The following TLL1 variants were observed in gnomAD, a reference collection of about 807,000 sequenced individuals.
TLL1 encodes the protein tolloid-like protein 1.
A neutral mutation model predicts 128.2 loss-of-function variants in TLL1; 49 were observed. The ratio of observed to expected loss-of-function variants is 0.38; its 90% CI spans 0.30 to 0.48. The LOEUF is 0.48. Among genes scored for constraint, TLL1 ranks in the 20% least tolerant of loss-of-function variants. The pLI is 0.96. For synonymous variants in TLL1, 454 were observed against 418.8 expected, an observed-to-expected ratio of 1.08 and a Z score of -1.03; for missense variants, 1,123 against 1,242.0, an observed-to-expected ratio of 0.90 and a Z score of 1.44.
chr4:166,073,004 G>A (rs1056064774), intron 16 of TLL1, among the ~76,000 whole-genome samples: 3 of 152,070 alleles, frequency 2.0e-5, no homozygotes, highest in East Asian at 1.9e-4. Flanking sequence ...TCACTCTATC[G>A]GGTCTTATAT....
intron 9 of TLL1, among the ~76,000 whole-genome samples, chr4:166,027,181 TAAA>T (rs1278273323): frequency 1.3e-5 from 2 of 151,958 alleles, no homozygotes; most frequent in East Asian, 3.9e-4. Flanking sequence ...AAGTGGGAGC[TAAA>T]CATTGAGCAC....
intron 8 of TLL1, among the ~76,000 whole-genome samples, chr4:166,019,685 G>GA (rs1277379605): frequency 3.4e-4 from 51 of 152,070 alleles, no homozygotes; most frequent in African/African-American, 1.2e-3. Flanking sequence ...CTAACAGGCA[G>GA]ACTGTAAATA....
rs535192186 is a variant in TLL1 at position 165,886,974 on chromosome 4, G to C, written c.169+12901G>C. Among the ~76,000 whole-genome samples, 170 of 152,272 alleles carry C rather than the reference G, an allele frequency of 1.1e-3. 1 individual carries two copies. Among genetic ancestry groups the C allele is most frequent in the Non-Finnish European group, 2.2e-3 (149 of 68,016 alleles). On this transcript the variant is annotated intron_variant, in intron 1 of 20. Transcript: ENST00000061240. Reference sequence around the variant, plus strand: ...TTAGAGTCAAATAACTAAGATAAAAGTTGAAGCTGTGAAAGTTCTTGAATT... The same window carrying C: ...TTAGAGTCAAATAACTAAGATAAAACTTGAAGCTGTGAAAGTTCTTGAATT...
In TLL1 at chr4:166,065,831, C is replaced by T. The variant is rs1200876491; in HGVS notation, c.2156C>T (p.Ser719Phe). Reference protein sequence around the residue: ...RIEFKSDNTVSKKGFKAHFFS... With the variant: ...RIEFKSDNTVFKKGFKAHFFS... ...GAATTCAAATCTGACAATACTGTAT[C>T]CAAGAAGGGCTTCAAAGCACATTTT... The change falls in exon 16 of 21, where the codon TCC becomes TTC. Residue 719 changes from serine (S) to phenylalanine (F), a missense_variant. Ser to Phe is a radical substitution (Grantham distance 155). Around this residue, in one of 3 missense-constraint regions of TLL1, gnomAD observed 634 missense variants for 672.4 expected, o/e 0.94. Coordinates refer to ENST00000061240, the MANE Select transcript of TLL1 (RefSeq NM_012464.5). The T allele has an allele frequency of 6.2e-7, 1 of 1,612,708 alleles. No homozygotes were observed. The highest frequency in any genetic ancestry group is 1.3e-5 in the African/African-American group (1 of 74,794).
At chr4:165,936,408 C>T (rs956790904) in intron 1 of TLL1, among the ~76,000 whole-genome samples, 12 of 151,004 alleles carry the variant, frequency 7.9e-5, no homozygotes, top group South Asian at 4.2e-4. Context: ...GACGGAGTTT[C>T]GCCATGTTGG....
In TLL1 at chr4:165,911,501, G is replaced by A. The variant is rs138371462; in HGVS notation, c.169+37428G>A. On this transcript the variant is annotated intron_variant, in intron 1 of 20. Coordinates refer to ENST00000061240, the MANE Select transcript of TLL1 (RefSeq NM_012464.5). The stretch of plus-strand genomic sequence containing the variant: ...ATGAGAATAGTCTAAGCCTAAAATC[G>A]TAATCACTAAATACATCTGCTGTCT... Among the ~76,000 whole-genome samples the A allele has an allele frequency of 4.8e-4, 73 of 152,210 alleles. No individual in the cohort carries two copies. The East Asian group carries it at 5.0e-3, about 10-fold the overall frequency.
Position 166,074,983 on chromosome 4 carries a change from A to G in TLL1, c.2294A>G (p.Asn765Ser). The change falls in exon 17 of 21, where the codon AAT becomes AGT. Residue 765 changes from asparagine (N) to serine (S), a missense_variant. This residue lies in a region of TLL1 where 634 missense variants were observed against 672.4 expected (regional missense o/e 0.94). Transcript: ENST00000061240. ...CGTAATGGATTTGTGCTACATGACAATAAACATGATTGCAAGGAAGGTATG... is the reference window on the plus strand; with the variant it reads ...CGTAATGGATTTGTGCTACATGACAGTAAACATGATTGCAAGGAAGGTATG... ...QCRNGFVLHD[N>S]KHDCKEAECE... 1.2e-6 allele frequency: 2 copies of G among 1,613,616 alleles called. No individual in the cohort carries two copies. Among genetic ancestry groups the G allele is most frequent in the Non-Finnish European group, 1.7e-6 (2 of 1,179,594 alleles).
At chr4:166,026,678 ACT>A (rs1309558280) in intron 9 of TLL1, among the ~76,000 whole-genome samples, 1 of 151,846 alleles carries the variant, frequency 6.6e-6, no homozygotes, top group Non-Finnish European at 1.5e-5. Context: ...TAAGAGCGAA[ACT>A]CTGTCTCAAA....
At chr4:166,092,765 T>C (rs1741832290) in intron 19 of TLL1, among the ~76,000 whole-genome samples, 1 of 152,170 alleles carries the variant, frequency 6.6e-6, no homozygotes, top group African/African-American at 2.4e-5. Flanking sequence ...ACTTTTATAC[T>C]GTCTCTTTTT....
At chr4:166,067,013 A>C (rs1740604708) in intron 16 of TLL1, among the ~76,000 whole-genome samples, 1 of 151,788 alleles carries the variant, frequency 6.6e-6, no homozygotes, top group Admixed American at 6.6e-5. Context: ...CTATCTAAAT[A>C]TTTATTTTAA....
chr4:165,873,801 G>T lies in TLL1; in HGVS notation c.-104G>T. The stretch of plus-strand genomic sequence containing the variant: ...ACCCCGGTCCCGCCGAGGAGCCTCC[G>T]GGTGGGGAGAAGAGCACCGGTGCCC... On this transcript the variant is annotated 5_prime_UTR_variant, in exon 1 of 21. Transcript: ENST00000061240. 7.4e-7 allele frequency: 1 copy of T among 1,353,580 alleles called. No individual in the cohort carries two copies. The highest frequency in any genetic ancestry group is 1.0e-6 in the Non-Finnish European group (1 of 958,744). 83.8% of individuals were successfully genotyped at this position (1,353,580 alleles called of 1,614,324 possible). A position where few individuals can be genotyped will look rare whatever the true frequency, so the allele number is the denominator to read the frequency against.
chr4:165,988,390 G>T (rs1187505668), intron 1 of TLL1, among the ~76,000 whole-genome samples: 1 of 152,066 alleles, frequency 6.6e-6, no homozygotes, highest in African/African-American at 2.4e-5. Flanking sequence ...CAGGAGTATT[G>T]CTGGAGGCCA....
chr4:165,921,338 A>C (rs901531725), intron 1 of TLL1, among the ~76,000 whole-genome samples: 1 of 152,246 alleles, frequency 6.6e-6, no homozygotes, highest in Non-Finnish European at 1.5e-5. Flanking sequence ...TTAAAGCAAG[A>C]AACAAAGTAA....
At chr4:166,010,977 G>T (rs949721073) in intron 7 of TLL1, among the ~76,000 whole-genome samples, 2 of 150,664 alleles carry the variant, frequency 1.3e-5, no homozygotes, top group Non-Finnish European at 3.0e-5. Flanking sequence ...GTTTATTTCT[G>T]TGCTCTCTCT....
intron 2 of TLL1, among the ~76,000 whole-genome samples, chr4:165,990,214 CTG>C (rs1736574164): frequency 6.6e-6 from 1 of 151,686 alleles, no homozygotes; most frequent in Non-Finnish European, 1.5e-5. Flanking sequence ...AAATTTTTAT[CTG>C]TGTATTATTC....
intron 1 of TLL1, among the ~76,000 whole-genome samples, chr4:165,955,970 G>A (rs946465422): frequency 2.2e-4 from 34 of 152,106 alleles, no homozygotes; most frequent in Non-Finnish European, 2.5e-4. Context: ...CAGTAGGACC[G>A]TGATGCCCAC....
At chr4:166,017,256 A>G (rs1230357460) in intron 8 of TLL1, among the ~76,000 whole-genome samples, 1 of 152,188 alleles carries the variant, frequency 6.6e-6, no homozygotes, top group Non-Finnish European at 1.5e-5. Context: ...ACATGGCTAC[A>G]AAGAACATGA....
chr4:165,984,303 G>C (rs775575185), intron 1 of TLL1, among the ~76,000 whole-genome samples: 3 of 151,852 alleles, frequency 2.0e-5, no homozygotes, highest in Admixed American at 6.6e-5. Context: ...GTGTCATGTT[G>C]GGGGAGATTT....
In TLL1 at chr4:165,901,332, G is replaced by A. The variant is rs116466776; in HGVS notation, c.169+27259G>A. 8.8e-3 allele frequency among the ~76,000 whole-genome samples: 1,338 copies of A among 152,100 alleles called. 22 individuals carry two copies. The highest frequency in any genetic ancestry group is 0.03 in the African/African-American group (1,257 of 41,488). On this transcript the variant is annotated intron_variant, in intron 1 of 20. Coordinates refer to ENST00000061240, the MANE Select transcript of TLL1 (RefSeq NM_012464.5). ...GGAGGAGAAGAGACGTTCTTGTTTTGGGAATTTTCAACCTTTTTGCACTGG... is the reference window on the plus strand; with the variant it reads ...GGAGGAGAAGAGACGTTCTTGTTTTAGGAATTTTCAACCTTTTTGCACTGG...
Sources: allele counts gnomAD v4.1 joint callset (sites outside exome capture counted in the v4.1 genomes callset), GRCh38; gene constraint gnomAD v4.1.1; regional missense constraint gnomAD v4.1.1; transcripts MANE v1.5; gene names NCBI Gene and HGNC (gene_info 2026-07-23, HGNC 2026-07-21).